The following MCOLN3 variants were observed in gnomAD, a reference collection of about 807,000 sequenced individuals.
The protein encoded by MCOLN3 is mucolipin-3.
In MCOLN3, 62 loss-of-function variants were observed where a neutral mutation model predicts 69.4. The ratio of observed to expected loss-of-function variants is 0.89; its 90% confidence interval spans 0.73 to 1.10. The LOEUF is 1.10. MCOLN3 is among the 50% of genes least tolerant of loss of function. MCOLN3 has a pLI of 0.00. For missense variants in MCOLN3, 564 were observed against 656.4 expected (o/e 0.86, Z 1.54); for synonymous variants, 183 against 217.0 (o/e 0.84, Z 1.38).
chr1:85,019,139 C>A lies in MCOLN3; in HGVS notation c.1646G>T (p.Cys549Phe), dbSNP rs746517504. Residue 549 changes from cysteine to phenylalanine, a missense_variant, in exon 13 of 13, where the codon TGC becomes TTC. Physicochemically the swap from Cys to Phe is radical, Grantham distance 205 (BLOSUM62 -2). Transcript: ENST00000370589. The part of the protein sequence containing the change: ...LEDDPPVSLF[C>F]CCKK ...ACCTGATAGCTACTTTTTACAACAG[C>A]AGAATAAAGATACTGGAGGGTCATC... 1.1e-5 allele frequency: 18 copies of A among 1,613,134 alleles called. No individual in the cohort carries two copies. In the South Asian group the frequency reaches 1.9e-4, roughly 17 times the overall value.
Position 85,045,115 on chromosome 1 carries a change from A to G in MCOLN3, c.228+18T>C. 1 of 1,593,114 alleles carries G rather than the reference A, an allele frequency of 6.3e-7. No homozygotes were observed. Among genetic ancestry groups the G allele is most frequent in the Non-Finnish European group, 8.6e-7 (1 of 1,166,086 alleles). On this transcript the variant is annotated intron_variant, in intron 2 of 12. Coordinates refer to ENST00000370589, the MANE Select transcript of MCOLN3 (RefSeq NM_018298.11). ...ATTAAAAGAGGCTTTCACCAAACTC[A>G]TGATCTGAGATGCTTACCTGGATAG...
intron 6 of MCOLN3, among the ~76,000 whole-genome samples, chr1:85,031,541 G>T (rs1395317964): frequency 6.6e-6 from 1 of 151,970 alleles, no homozygotes; most frequent in Non-Finnish European, 1.5e-5. Flanking sequence ...TTTAAAAGAT[G>T]CTAATAAGAA....
rs747662055 is a variant in MCOLN3, at chr1:85,041,185, G to GA, written c.229-9dup. 6.9e-6 allele frequency: 11 copies of GA among 1,601,488 alleles called. No homozygotes were observed. Among genetic ancestry groups the GA allele is most frequent in the Admixed American group, 5.3e-5 (3 of 56,912 alleles). On this transcript the variant is annotated splice_polypyrimidine_tract_variant and intron_variant, in intron 2 of 12. Coordinates refer to ENST00000370589, the MANE Select transcript of MCOLN3 (RefSeq NM_018298.11). ...TAGCCCAAATAAGACCAGCTTAAAAGAAAAAAAAGAAAAGGTAAGAGGGTG... is the reference window on the plus strand; with the variant it reads ...TAGCCCAAATAAGACCAGCTTAAAAGAAAAAAAAAGAAAAGGTAAGAGGGTG...
rs1652202057 is a variant in MCOLN3 at position 85,026,087 on chromosome 1, T to C, written c.947A>G (p.Glu316Gly). Residue 316 changes from glutamate (E) to glycine (G), a missense_variant and splice_region_variant, in exon 9 of 13, where the codon GAG (glutamate) becomes GGG (glycine). Physicochemically the swap from Glu to Gly is moderately conservative, Grantham distance 98. Transcript: ENST00000370589. ...SVIRGLQLQQ[E>G]FVNFFLLHYK... ...ATGGAGGAGGAAAAAATTGACAAAC[T>C]CCTTTAGGGAAAAGAGGGGAGGCAC... 1 of 1,602,208 alleles carries C rather than the reference T, an allele frequency of 6.2e-7. No homozygotes were observed. The highest frequency in any genetic ancestry group is 1.3e-5 in the African/African-American group (1 of 74,202).
intron 3 of MCOLN3, among the ~76,000 whole-genome samples, chr1:85,039,243 G>GT (rs976884958): frequency 1.3e-5 from 2 of 152,160 alleles, no homozygotes; most frequent in African/African-American, 4.8e-5. Flanking sequence ...TGGAATGTAT[G>GT]TGTCCCTCCA....
At chr1:85,043,529 CAA>C (rs11409671) in intron 2 of MCOLN3, among the ~76,000 whole-genome samples, 2 of 141,448 alleles carry the variant, frequency 1.4e-5, no homozygotes, top group Admixed American at 7.1e-5. Flanking sequence ...GACTCCATCT[CAA>C]AAAAAAAAAA....
In MCOLN3 at chr1:85,026,362, A is replaced by G; in HGVS notation, c.833-78T>C. ...GACATCTTCTTTTTAGAATCATTTA[A>G]ATAATTCAAGCATTCTTTCTGGTAA... On this transcript the variant is annotated intron_variant, in intron 7 of 12. Coordinates refer to ENST00000370589, the MANE Select transcript of MCOLN3 (RefSeq NM_018298.11). 3.1e-6 allele frequency: 3 copies of G among 982,472 alleles called. No individual in the cohort carries two copies. The South Asian group carries it at 4.3e-5, about 14-fold the overall frequency. The allele number at this position is 982,472 out of a possible 1,614,324, so 60.9% of individuals were successfully genotyped here.
chr1:85,020,858 G>T (rs1651893006), intron 12 of MCOLN3, among the ~76,000 whole-genome samples: 1 of 152,174 alleles, frequency 6.6e-6, no homozygotes, highest in Admixed American at 6.5e-5. Context: ...GAAAGCTTGT[G>T]TGAGAAAGTA....
At chr1:85,036,427 G>C (rs1050842830) in intron 3 of MCOLN3, among the ~76,000 whole-genome samples, 2 of 152,136 alleles carry the variant, frequency 1.3e-5, no homozygotes, top group African/African-American at 2.4e-5. Flanking sequence ...CTGACCTCGT[G>C]ATCTGCCCAC....
chr1:85,019,133 CA>C lies in MCOLN3; in HGVS notation c.1651del (p.Cys551ValfsTer18). The C allele has an allele frequency of 6.2e-7, 1 of 1,613,226 alleles. No individual in the cohort carries two copies. The highest frequency in any genetic ancestry group is 1.1e-5 in the South Asian group (1 of 90,806). ...AGATAAACCTGATAGCTACTTTTTA[CA>C]ACAGCAGAATAAAGATACTGGAGGG... is the stretch of plus-strand genomic sequence containing the variant. The part of the protein sequence containing the change: ...DDPPVSLFCC[C>X]KK On this transcript the variant is annotated frameshift_variant, in exon 13 of 13. Transcript: ENST00000370589. LOFTEE classifies it high-confidence loss of function.
At chr1:85,033,530 A>G (rs747257556) in intron 4 of MCOLN3, among the ~76,000 whole-genome samples, 15 of 152,196 alleles carry the variant, frequency 9.9e-5, no homozygotes, top group Non-Finnish European at 1.8e-4. Context: ...CAATGACCTA[A>G]GCTAATATTT....
intron 6 of MCOLN3, among the ~76,000 whole-genome samples, chr1:85,030,150 G>C (rs1652436549): frequency 1.3e-5 from 2 of 152,312 alleles, no homozygotes; most frequent in South Asian, 2.1e-4. Flanking sequence ...CCAGCCTATG[G>C]CCTCGTGCAA....
rs1652213887 is a variant in MCOLN3 at position 85,026,275 on chromosome 1, T to C, written c.842A>G (p.Asn281Ser). 6.2e-6 allele frequency: 10 copies of C among 1,611,936 alleles called. No individual in the cohort carries two copies. Among genetic ancestry groups the C allele is most frequent in the Non-Finnish European group, 8.5e-6 (10 of 1,177,964 alleles). Residue 281 changes from asparagine (N) to serine (S), a missense_variant, in exon 8 of 13, where the codon AAC (asparagine) becomes AGC (serine). Asn to Ser is a conservative substitution (Grantham distance 46). Transcript: ENST00000370589. ...DWHVSGSIQK[N>S]THYMMIFDAF... The stretch of plus-strand genomic sequence containing the variant: ...ATCAAAGATCATCATGTAATGAGTG[T>C]TCTTCTGAACTGAAAGCAAAGAGGA...
chr1:85,040,832 G>A (rs1030583710), intron 3 of MCOLN3, among the ~76,000 whole-genome samples, 178 bp downstream of exon 3: 7 of 152,022 alleles, frequency 4.6e-5, no homozygotes, highest in African/African-American at 1.2e-4. Flanking sequence ...TCAACTTCTG[G>A]TTTTATAAAA....
chr1:85,043,759 C>G (rs764716447), intron 2 of MCOLN3, among the ~76,000 whole-genome samples: 17 of 152,188 alleles, frequency 1.1e-4, no homozygotes, highest in Admixed American at 6.5e-4. Context: ...TGGCTGAGAA[C>G]TGAACATCCA....
chr1:85,046,306 T>TG (rs34361194), intron 1 of MCOLN3, among the ~76,000 whole-genome samples: 27 of 151,150 alleles, frequency 1.8e-4, no homozygotes, highest in African/African-American at 5.6e-4. Flanking sequence ...CATATCTATT[T>TG]GGGGGGGGGG....
rs1653504620 is a variant in MCOLN3, at chr1:85,048,464, G to T, written c.-71C>A. On this transcript the variant is annotated 5_prime_UTR_variant, in exon 1 of 13. Coordinates refer to ENST00000370589, the MANE Select transcript of MCOLN3 (RefSeq NM_018298.11). ...GAGGGCGCAGGGCGAGTCAGCGAGC[G>T]ACTCCAGCAGCCTCGAGCCCCGCTC... 6.6e-6 allele frequency: 1 copy of T among 152,180 alleles called. No individual in the cohort carries two copies. The highest frequency in any genetic ancestry group is 2.4e-5 in the African/African-American group (1 of 41,448). 9.4% of individuals were successfully genotyped at this position (152,180 alleles called of 1,614,324 possible).
intron 12 of MCOLN3, 28 bp from the exon 13 acceptor site, chr1:85,019,285 T>C (rs2102912191): frequency 1.9e-6 from 3 of 1,602,676 alleles, no homozygotes; most frequent in Non-Finnish European, 2.6e-6. Flanking sequence ...AAAAAGCTTT[T>C]ATTAATAAGC....
rs1274258314 is a variant in MCOLN3 at position 85,041,971 on chromosome 1, T to TGCACACACA, written c.229-803_229-795dup. The stretch of plus-strand genomic sequence containing the variant: ...TCTCTCTCTCTCTCACACACACAAA[T>TGCACACACA]GCACACACAGCACACACAGGCACAC... On this transcript the variant is annotated intron_variant, in intron 2 of 12. Coordinates refer to ENST00000370589, the MANE Select transcript of MCOLN3 (RefSeq NM_018298.11). Among the ~76,000 whole-genome samples, 5 of 147,362 alleles carry TGCACACACA rather than the reference T, an allele frequency of 3.4e-5. No individual in the cohort carries two copies. In the East Asian group the frequency reaches 1.0e-3, roughly 30 times the overall value.
Sources: gnomAD v4.1 joint callset for allele counts (sites outside exome capture counted in the v4.1 genomes callset) on GRCh38, gnomAD v4.1.1 for gene constraint, MANE v1.5 for transcripts, NCBI Gene and HGNC (gene_info 2026-07-23, HGNC 2026-07-21) for gene names.